SLC39A11: variants seen among roughly 807,000 people sequenced by gnomAD.
SLC39A11 encodes solute carrier family 39 member 11.
In SLC39A11, 33 loss-of-function variants were observed where a neutral mutation model predicts 36.1. That is an observed-to-expected ratio of 0.91 (90% CI 0.69 to 1.22). The LOEUF (loss-of-function observed/expected upper bound fraction) is 1.22. SLC39A11 is among the 50% of genes most tolerant of loss of function. The pLI is 0.00. For missense variants in SLC39A11, 432 were observed against 430.3 expected, an observed-to-expected ratio of 1.00 and a Z score of -0.03; for synonymous variants, 166 against 170.3, an observed-to-expected ratio of 0.97 and a Z score of 0.20.
chr17:72,893,968 C>T (rs2081894737), intron 5 of SLC39A11, among the ~76,000 whole-genome samples: 2 of 152,150 alleles, frequency 1.3e-5, no homozygotes, highest in Non-Finnish European at 2.9e-5. Context: ...CAGACAGGTG[C>T]TGTATAGTGT....
rs1183196857 is a variant in SLC39A11, at chr17:72,849,723, G to C, written c.512C>G (p.Pro171Arg). ...GLPEGPAVPV[P>R]SRGNLAQPGG... ...GGGCTGTGCCAGATTCCCTCGAGAA[G>C]GCACAGGGACAGCAGGACCCTCTGG... Residue 171 changes from proline (P) to arginine (R), a missense_variant, in exon 6 of 10, where the codon CCT (proline) becomes CGT (arginine). By Grantham distance (103) the Pro-to-Arg change is moderately radical (BLOSUM62 -2). Transcript: ENST00000255559. The C allele has an allele frequency of 1.5e-5, 24 of 1,611,922 alleles. No individual in the cohort carries two copies. In the South Asian group the frequency reaches 2.3e-4, roughly 16 times the overall value.
Position 72,955,659 on chromosome 17 carries a change from G to C in SLC39A11, c.307-7784C>G, listed in dbSNP as rs148011458. On this transcript the variant is annotated intron_variant, in intron 4 of 9. Coordinates refer to ENST00000255559, the MANE Select transcript of SLC39A11 (RefSeq NM_139177.4). ...CAAAGCCATGAGGCTCAAAATGGCA[G>C]CTGTGTCTCGCGGCCCTACTGTCAG... Among the ~76,000 whole-genome samples the C allele has an allele frequency of 3.0e-3, 453 of 152,102 alleles. 3 individuals are homozygous for C. Among genetic ancestry groups the C allele is most frequent in the African/African-American group, 0.01 (422 of 41,474 alleles).
At chr17:72,807,565 G>C (rs1195476496) in intron 6 of SLC39A11, among the ~76,000 whole-genome samples, 3 of 152,144 alleles carry the variant, frequency 2.0e-5, no homozygotes, top group Non-Finnish European at 2.9e-5. Flanking sequence ...TGACCTCCTA[G>C]AGGGGATTCG....
intron 5 of SLC39A11, among the ~76,000 whole-genome samples, chr17:72,917,445 G>T (rs934095145): frequency 1.3e-5 from 2 of 152,186 alleles, no homozygotes; most frequent in African/African-American, 4.8e-5. Flanking sequence ...GGGAAGAAGT[G>T]AGGGGGGATT....
intron 5 of SLC39A11, among the ~76,000 whole-genome samples, chr17:72,929,196 T>A (rs546180659): frequency 6.6e-6 from 1 of 152,142 alleles, no homozygotes; most frequent in Non-Finnish European, 1.5e-5. Flanking sequence ...CCCTACCCTA[T>A]CTGCTCCCTT....
chr17:72,967,555 C>A (rs2087105802), intron 4 of SLC39A11, among the ~76,000 whole-genome samples: 1 of 152,058 alleles, frequency 6.6e-6, no homozygotes, highest in Non-Finnish European at 1.5e-5. Context: ...GTTGGGCTAA[C>A]TTAAGCTAGG....
intron 6 of SLC39A11, among the ~76,000 whole-genome samples, chr17:72,770,413 C>G (rs754928505): frequency 6.6e-6 from 1 of 152,200 alleles, no homozygotes; most frequent in South Asian, 2.1e-4. Context: ...TAGGCCCATT[C>G]CAGTGGGATG....
chr17:72,807,881 G>T (rs916000353), intron 6 of SLC39A11, among the ~76,000 whole-genome samples: 4 of 152,198 alleles, frequency 2.6e-5, no homozygotes, highest in African/African-American at 9.6e-5. Context: ...CAGATGGTGA[G>T]AAGCCCAGCT....
chr17:72,771,033 G>A (rs1283977342), intron 6 of SLC39A11, among the ~76,000 whole-genome samples: 1 of 151,050 alleles, frequency 6.6e-6, no homozygotes, highest in Admixed American at 6.6e-5. Context: ...TAGCATTTAC[G>A]ACATGCCAGG....
At chr17:72,962,294 G>A (rs532553170) in intron 4 of SLC39A11, among the ~76,000 whole-genome samples, 140 of 152,280 alleles carry the variant, frequency 9.2e-4, no homozygotes, top group African/African-American at 3.1e-3. Flanking sequence ...CGTTTCCATG[G>A]GGCCAGAGTC....
In SLC39A11 at chr17:73,026,572, G is replaced by A. The variant is rs574232623; in HGVS notation, c.306+4984C>T. Among the ~76,000 whole-genome samples, 4 of 149,564 alleles carry A rather than the reference G, an allele frequency of 2.7e-5. No homozygotes were observed. The East Asian group carries it at 5.9e-4, about 22-fold the overall frequency. On this transcript the variant is annotated intron_variant, in intron 4 of 9. Coordinates refer to ENST00000255559, the MANE Select transcript of SLC39A11 (RefSeq NM_139177.4). Reference sequence around the variant, plus strand: ...GAAAAGAGAAGACAAAAGAAAAGAAGAGAAACACTAGAATGATACCCGCTA... The same window carrying A: ...GAAAAGAGAAGACAAAAGAAAAGAAAAGAAACACTAGAATGATACCCGCTA...
chr17:72,879,374 C>T (rs75753746), intron 5 of SLC39A11, among the ~76,000 whole-genome samples: 1,715 of 152,328 alleles, frequency 0.011, 47 homozygotes, highest in African/African-American at 0.036. Flanking sequence ...ATACTCTTAT[C>T]ACTCATACAA....
chr17:72,698,748 C>G (rs7223437), intron 7 of SLC39A11, among the ~76,000 whole-genome samples: 1 of 152,166 alleles, frequency 6.6e-6, no homozygotes, highest in African/African-American at 2.4e-5. Context: ...ATTATCCCCA[C>G]GGTACAAACA....
At chr17:72,669,857 C>A (rs2070917321) in intron 7 of SLC39A11, among the ~76,000 whole-genome samples, 1 of 151,752 alleles carries the variant, frequency 6.6e-6, no homozygotes, top group Non-Finnish European at 1.5e-5. Flanking sequence ...TATACATACA[C>A]ACACACGTAT....
At chr17:72,869,171 T>G (rs925552937) in intron 5 of SLC39A11, among the ~76,000 whole-genome samples, 1 of 152,136 alleles carries the variant, frequency 6.6e-6, no homozygotes, top group Non-Finnish European at 1.5e-5. Context: ...GAGCCCCCCA[T>G]GTTGTCCTTC....
At chr17:73,052,645 A>T (rs1384771646) in intron 3 of SLC39A11, among the ~76,000 whole-genome samples, 1 of 152,200 alleles carries the variant, frequency 6.6e-6, no homozygotes, top group African/African-American at 2.4e-5. Context: ...GAAATGTGGG[A>T]GAAAATGTCT....
chr17:72,803,087 G>A (rs899519264), intron 6 of SLC39A11, among the ~76,000 whole-genome samples: 10 of 152,236 alleles, frequency 6.6e-5, no homozygotes, highest in South Asian at 4.1e-4. Flanking sequence ...ATACAAAGAC[G>A]GGATTTGGTT....
At chr17:73,066,127 G>A (rs141764739) in intron 3 of SLC39A11, among the ~76,000 whole-genome samples, 353 of 152,272 alleles carry the variant, frequency 2.3e-3, no homozygotes, top group Middle Eastern at 6.8e-3. Context: ...CAGACTCTCC[G>A]GTTTCCACCT....
intron 4 of SLC39A11, among the ~76,000 whole-genome samples, chr17:72,965,697 A>T (rs2086921247): frequency 6.6e-6 from 1 of 152,220 alleles, no homozygotes; most frequent in African/African-American, 2.4e-5. Context: ...TAAGTCAAGG[A>T]GTATCTCCAA....
Sources: gnomAD v4.1 joint callset for allele counts (sites outside exome capture counted in the v4.1 genomes callset) on GRCh38, gnomAD v4.1.1 for gene constraint, MANE v1.5 for transcripts, NCBI Gene and HGNC (gene_info 2026-07-23, HGNC 2026-07-21) for gene names.